The following TBC1D5 variants were observed in gnomAD, a reference collection of about 807,000 sequenced individuals.
The protein encoded by TBC1D5 is TBC1 domain family member 5.
Under a neutral mutation model 100.3 loss-of-function variants are expected in TBC1D5, and 75 were observed. That is an observed-to-expected ratio of 0.75 (90% CI 0.62 to 0.91). TBC1D5 has a LOEUF of 0.91. TBC1D5 is among the 40% of genes least tolerant of loss of function. The pLI is 0.00. For synonymous variants in TBC1D5, 323 were observed against 325.6 expected (o/e 0.99, Z 0.09); for missense variants, 910 against 942.4 (o/e 0.97, Z 0.45).
At chr3:17,455,430 GTA>G (rs551736934) in intron 3 of TBC1D5, among the ~76,000 whole-genome samples, 105 of 143,880 alleles carry the variant, frequency 7.3e-4, no homozygotes, top group African/African-American at 2.6e-3. Context: ...ATATATGTGT[GTA>G]TGTGTGTGTA....
At chr3:17,182,228 T>A (rs1301546435) in intron 19 of TBC1D5, among the ~76,000 whole-genome samples, 3 of 152,076 alleles carry the variant, frequency 2.0e-5, no homozygotes, top group Non-Finnish European at 4.4e-5. Context: ...CTTGGTAGCA[T>A]CCCTTAATCC....
At chr3:17,551,782 T>C (rs767827889) in intron 2 of TBC1D5, among the ~76,000 whole-genome samples, 1 of 152,116 alleles carries the variant, frequency 6.6e-6, no homozygotes, top group South Asian at 2.1e-4. Context: ...TTATTAAACA[T>C]TTAATCTTTG....
chr3:17,316,441 C>G (rs1304354936), intron 13 of TBC1D5, among the ~76,000 whole-genome samples: 1 of 152,138 alleles, frequency 6.6e-6, no homozygotes, highest in African/African-American at 2.4e-5. Flanking sequence ...CACACCCATC[C>G]CCATATCATA....
intron 1 of TBC1D5, among the ~76,000 whole-genome samples, chr3:17,664,305 C>T (rs1012475911): frequency 6.6e-6 from 1 of 152,228 alleles, no homozygotes; most frequent in East Asian, 1.9e-4. Context: ...CTCATGACCT[C>T]GTAATCCACC....
At chr3:17,162,796 C>T (rs2066199830) in intron 21 of TBC1D5, among the ~76,000 whole-genome samples, 1 of 152,168 alleles carries the variant, frequency 6.6e-6, no homozygotes, top group Non-Finnish European at 1.5e-5. Context: ...AGCCATGCTG[C>T]CTTTGGGGAG....
intron 8 of TBC1D5, 77 bp from the exon 9 acceptor site, chr3:17,384,092 G>A (rs926630468): frequency 1.1e-5 from 14 of 1,284,186 alleles, no homozygotes; most frequent in Admixed American, 1.9e-5. Flanking sequence ...TCTCGAAGAC[G>A]TGCCAAGGGC....
intron 17 of TBC1D5, among the ~76,000 whole-genome samples, chr3:17,226,474 C>A (rs1248476252): frequency 6.6e-6 from 1 of 152,072 alleles, no homozygotes; most frequent in African/African-American, 2.4e-5. Context: ...GCTGGAAATG[C>A]TGGCTGTTGA....
At chr3:17,529,954 T>C (rs917356461) in intron 2 of TBC1D5, among the ~76,000 whole-genome samples, 2 of 152,112 alleles carry the variant, frequency 1.3e-5, no homozygotes, top group African/African-American at 4.8e-5. Flanking sequence ...TTAAAATAGG[T>C]AAAAACAGCC....
At chr3:17,412,679 A>G (rs1017804199) in intron 4 of TBC1D5, among the ~76,000 whole-genome samples, 2 of 152,154 alleles carry the variant, frequency 1.3e-5, no homozygotes, top group Non-Finnish European at 2.9e-5. Flanking sequence ...CTTTTAAAAG[A>G]CCCACTTATG....
chr3:17,166,782 T>C, exon 21 of TBC1D5: 1 of 1,610,108 alleles, frequency 6.2e-7, no homozygotes, highest in Non-Finnish European at 8.5e-7. Context: ...TAATGGCCCC[T>C]GACATTTGAA....
chr3:17,176,170 C>T (rs2067703735), intron 19 of TBC1D5, among the ~76,000 whole-genome samples: 1 of 152,174 alleles, frequency 6.6e-6, no homozygotes, highest in South Asian at 2.1e-4. Context: ...GCAGAGCATG[C>T]TAAGTCACAA....
chr3:17,547,740 A>G (rs1422954267), intron 2 of TBC1D5, among the ~76,000 whole-genome samples: 1 of 152,188 alleles, frequency 6.6e-6, no homozygotes, highest in South Asian at 2.1e-4. Context: ...AAATGTTACC[A>G]TAGTAACATC....
At chr3:17,408,158 C>T (rs142380124) in intron 4 of TBC1D5, among the ~76,000 whole-genome samples, 2 of 151,950 alleles carry the variant, frequency 1.3e-5, no homozygotes, top group East Asian at 3.9e-4. Context: ...AATTTCTTAA[C>T]CTCTCTGTGC....
chr3:17,453,791 C>G (rs907281716), intron 3 of TBC1D5, among the ~76,000 whole-genome samples: 1 of 152,128 alleles, frequency 6.6e-6, no homozygotes, highest in Non-Finnish European at 1.5e-5. Flanking sequence ...ATACCAAAAC[C>G]TAGACAAAGA....
chr3:17,703,847 C>G, intron 1 of TBC1D5, among the ~76,000 whole-genome samples: 1 of 150,936 alleles, frequency 6.6e-6, no homozygotes, highest in East Asian at 1.9e-4. Context: ...CTTTTTGACT[C>G]TACAATATCT....
exon 22 of TBC1D5, chr3:17,159,679 C>G (rs189731310): frequency 1.3e-5 from 2 of 152,422 alleles, no homozygotes; most frequent in East Asian, 3.8e-4. Context: ...AAGGTGCTGA[C>G]TGACAAGGGG....
At chr3:17,263,321 G>A (rs956332242) in intron 15 of TBC1D5, among the ~76,000 whole-genome samples, 1 of 129,572 alleles carries the variant, frequency 7.7e-6, no homozygotes, top group African/African-American at 3.0e-5. Context: ...AGCTAAGATT[G>A]TGTCACTGCA....
At chr3:17,708,236 ACTTG>A (rs574622988) in intron 1 of TBC1D5, among the ~76,000 whole-genome samples, 1 of 152,230 alleles carries the variant, frequency 6.6e-6, no homozygotes, top group South Asian at 2.1e-4. Context: ...TACTGAAAGT[ACTTG>A]CTTCTTTTAA....
chr3:17,457,096 C>T, intron 3 of TBC1D5, among the ~76,000 whole-genome samples: 1 of 151,822 alleles, frequency 6.6e-6, no homozygotes, highest in East Asian at 1.9e-4. Flanking sequence ...GTATTTTTTT[C>T]TAATTGTCTT....
Sources: gnomAD v4.1 joint callset for allele counts (sites outside exome capture counted in the v4.1 genomes callset) on GRCh38, gnomAD v4.1.1 for gene constraint, MANE v1.5 for transcripts, NCBI Gene and HGNC (gene_info 2026-07-23, HGNC 2026-07-21) for gene names.